NEBL: variants seen among roughly 807,000 people sequenced by gnomAD.
NEBL encodes LIM and SH3 protein 2.
NEBL carries 122 observed loss-of-function variants against 140.2 expected under a neutral mutation model. The observed-to-expected ratio is 0.87, with a 90% CI of 0.75 to 1.01. NEBL has a LOEUF of 1.01. Among genes scored for constraint, NEBL ranks in the 50% least tolerant of loss-of-function variants. The pLI, the probability that NEBL is intolerant of heterozygous loss-of-function variation, is 0.00. For missense variants in NEBL, 1,365 were observed against 1,231.3 expected (o/e 1.11, Z -1.62); for synonymous variants, 436 against 398.9 (o/e 1.09, Z -1.11).
intron 3 of NEBL, among the ~76,000 whole-genome samples, chr10:21,185,419 A>G (rs957029107): frequency 6.8e-6 from 1 of 146,606 alleles, no homozygotes; most frequent in South Asian, 2.3e-4. Flanking sequence ...TCACCTCTGT[A>G]TGGAGAGAGG....
chr10:21,044,340 T>A (rs1648738005), intron 2 of NEBL, among the ~76,000 whole-genome samples: 1 of 129,674 alleles, frequency 7.7e-6, no homozygotes, highest in African/African-American at 3.0e-5. Context: ...GAGGTTGAAG[T>A]GAGCTGAGAT....
rs1374903560 is a variant in NEBL, at chr10:20,959,298, C to G, written c.357+2374G>C. Among the ~76,000 whole-genome samples the G allele has an allele frequency of 3.9e-5, 6 of 152,118 alleles. No homozygotes were observed. The South Asian group carries it at 6.2e-4, about 16-fold the overall frequency. ...AATAATTTTCAGGATCTATAATTTT[C>G]AGGATTATAATTTCCCAGCATCTCT... On this transcript the variant is annotated intron_variant, in intron 4 of 6. Coordinates refer to the NEBL transcript ENST00000417816.
At chr10:21,159,399 TA>T (rs1395924199) in intron 2 of NEBL, among the ~76,000 whole-genome samples, 1 of 152,176 alleles carries the variant, frequency 6.6e-6, no homozygotes, top group Non-Finnish European at 1.5e-5. Flanking sequence ...AAGGTTTTCT[TA>T]AAAGGCTAGG....
chr10:21,267,537 C>T (rs996235745), intron 1 of NEBL, among the ~76,000 whole-genome samples: 1 of 152,198 alleles, frequency 6.6e-6, no homozygotes, highest in Admixed American at 6.5e-5. Flanking sequence ...TACACTTTGC[C>T]TTTATGCAAA....
intron 2 of NEBL, among the ~76,000 whole-genome samples, chr10:21,151,323 G>A (rs999354465): frequency 3.9e-5 from 6 of 152,092 alleles, no homozygotes; most frequent in Non-Finnish European, 5.9e-5. Flanking sequence ...CTTCCAGGGG[G>A]TCCAACTCCC....
intron 3 of NEBL, among the ~76,000 whole-genome samples, chr10:21,221,050 G>A (rs943303145): frequency 6.6e-6 from 1 of 152,094 alleles, no homozygotes; most frequent in Admixed American, 6.6e-5. Context: ...CAGTAGTCAG[G>A]AGCTGAGGTG....
In NEBL at chr10:20,868,845, A is replaced by T. The variant is rs1564403087; in HGVS notation, c.583-80T>A. Reference sequence around the variant, plus strand: ...ACATTGACATTAGCCAAAAAAAAAAAAAATAACAGACCTTCATCTCATTAA... The same window carrying T: ...ACATTGACATTAGCCAAAAAAAAAATAAATAACAGACCTTCATCTCATTAA... On this transcript the variant is annotated intron_variant, in intron 6 of 27. Transcript: ENST00000377122. The T allele has an allele frequency of 4.3e-6, 4 of 931,736 alleles. No individual in the cohort carries two copies. In the East Asian group the frequency reaches 9.7e-5, roughly 23 times the overall value. The allele number at this position is 931,736 out of a possible 1,614,324, so 57.7% of individuals were successfully genotyped here.
intron 3 of NEBL, among the ~76,000 whole-genome samples, chr10:21,006,379 A>C (rs1838140283): frequency 6.6e-6 from 1 of 152,186 alleles, no homozygotes; most frequent in Non-Finnish European, 1.5e-5. Context: ...TTTTTAAGGC[A>C]GTAAGAGTTC....
exon 1 of NEBL, chr10:21,174,067 T>G: frequency 9.1e-7 from 1 of 1,094,872 alleles, no homozygotes; most frequent in Non-Finnish European, 1.1e-6. Flanking sequence ...CGGCTCCGGC[T>G]CCGGCTCCGC....
intron 3 of NEBL, among the ~76,000 whole-genome samples, chr10:20,888,629 G>T (rs571747890): frequency 2.6e-5 from 4 of 152,248 alleles, no homozygotes; most frequent in South Asian, 4.1e-4. Flanking sequence ...CCTGCTCCAG[G>T]GGGAGAGGGG....
chr10:21,063,998 G>C (rs968088917), intron 2 of NEBL, among the ~76,000 whole-genome samples: 7 of 152,084 alleles, frequency 4.6e-5, no homozygotes, highest in Non-Finnish European at 8.8e-5. Context: ...CTTGAGCCCG[G>C]GAGGCAGAGG....
intron 3 of NEBL, among the ~76,000 whole-genome samples, chr10:21,015,605 G>A (rs897969327): frequency 1.3e-5 from 2 of 152,120 alleles, no homozygotes; most frequent in African/African-American, 2.4e-5. Flanking sequence ...CCAACTCCTG[G>A]GCTCAACAGG....
chr10:20,828,976 C>G (rs576321996), intron 16 of NEBL, among the ~76,000 whole-genome samples: 1 of 152,170 alleles, frequency 6.6e-6, no homozygotes, highest in Admixed American at 6.5e-5. Flanking sequence ...TAATACAACC[C>G]AGGCAATATC....
intron 4 of NEBL, among the ~76,000 whole-genome samples, chr10:20,913,624 T>C (rs535899307): frequency 6.6e-6 from 1 of 152,324 alleles, no homozygotes; most frequent in Non-Finnish European, 1.5e-5. Flanking sequence ...GTATCAGGAA[T>C]TGTTAAATTT....
intron 26 of NEBL, among the ~76,000 whole-genome samples, chr10:20,806,804 G>A (rs1181809499): frequency 6.6e-6 from 1 of 152,210 alleles, no homozygotes; most frequent in Non-Finnish European, 1.5e-5. Context: ...GAGGAGGATA[G>A]ACATGAAGTA....
chr10:21,045,078 A>G (rs1286828031), intron 2 of NEBL, among the ~76,000 whole-genome samples: 1 of 152,242 alleles, frequency 6.6e-6, no homozygotes, highest in African/African-American at 2.4e-5. Flanking sequence ...TTCTTCAAAT[A>G]CATCCACATT....
chr10:20,815,552 G>A (rs1838640080), intron 22 of NEBL, 73 bp downstream of exon 22: 7 of 1,172,264 alleles, frequency 6.0e-6, no homozygotes, highest in Non-Finnish European at 9.0e-6. Flanking sequence ...ATTTTCACAA[G>A]CAAAGGAGGA....
At chr10:21,166,870 T>C (rs11012553) in intron 2 of NEBL, among the ~76,000 whole-genome samples, 5,021 of 152,328 alleles carry the variant, frequency 0.033, 224 homozygotes, top group East Asian at 0.12. Context: ...ACTCAAGTCC[T>C]TGGAGTGTTC....
intron 2 of NEBL, chr10:21,110,675 C>G: frequency 2.2e-6 from 1 of 459,102 alleles, no homozygotes; most frequent in Non-Finnish European, 4.3e-6. Context: ...GCATATGCCA[C>G]CACCCCATGG....
Sources: allele counts gnomAD v4.1 joint callset (sites outside exome capture counted in the v4.1 genomes callset), GRCh38; gene constraint gnomAD v4.1.1; transcripts MANE v1.5; gene names NCBI Gene and HGNC (gene_info 2026-07-23, HGNC 2026-07-21).